KLHL14: variants seen among roughly 807,000 people sequenced by gnomAD.
The protein encoded by KLHL14 is kelch like family member 14, also known as kelch-like protein 14.
A neutral mutation model predicts 64.3 loss-of-function variants in KLHL14; 22 were observed. The observed-to-expected ratio is 0.34, with a 90% CI of 0.24 to 0.49. The LOEUF (loss-of-function observed/expected upper bound fraction) is 0.49, where lower values mean the gene tolerates loss of function less well. Among genes scored for constraint, KLHL14 ranks in the 20% least tolerant of loss-of-function variants. The pLI is 0.99. For missense variants in KLHL14, 661 were observed against 789.0 expected (o/e 0.84, Z 1.94); for synonymous variants, 322 against 333.4 (o/e 0.97, Z 0.37).
rs560902675 is a variant in KLHL14, at chr18:32,722,244, C to T, written c.1069+19684G>A. Reference sequence around the variant, plus strand: ...TCTCTATTAGCAGGGTGAGAACAGACTAATACATTTTCCTTCAGCATTTTA... The same window carrying T: ...TCTCTATTAGCAGGGTGAGAACAGATTAATACATTTTCCTTCAGCATTTTA... On this transcript the variant is annotated intron_variant, in intron 3 of 8. Transcript: ENST00000359358. 3.3e-4 allele frequency among the ~76,000 whole-genome samples: 51 copies of T among 152,298 alleles called. No individual in the cohort carries two copies. In the South Asian group the frequency reaches 4.8e-3, roughly 14 times the overall value.
intron 2 of KLHL14, chr18:32,744,977 G>T (rs745342520): frequency 1.3e-5 from 2 of 152,196 alleles, no homozygotes; most frequent in Non-Finnish European, 2.9e-5. Flanking sequence ...AGCAATGAAA[G>T]ATTCCACACA....
chr18:32,687,118 G>A (rs148850785), intron 5 of KLHL14, 37 bp downstream of exon 5: 263 of 1,550,170 alleles, frequency 1.7e-4, no homozygotes, highest in African/African-American at 1.6e-3. Flanking sequence ...CTGTAAAGCC[G>A]TCACAAACGT....
chr18:32,700,747 A>C (rs1246537884), intron 3 of KLHL14, among the ~76,000 whole-genome samples: 1 of 152,140 alleles, frequency 6.6e-6, no homozygotes, highest in Admixed American at 6.6e-5. Flanking sequence ...ACAAGTAAAT[A>C]AGCTCTTTTG....
intron 3 of KLHL14, among the ~76,000 whole-genome samples, chr18:32,710,604 T>G (rs2050014353): frequency 6.6e-6 from 1 of 152,208 alleles, no homozygotes; most frequent in African/African-American, 2.4e-5. Context: ...CAGAGAGGGA[T>G]AATTTATATA....
At chr18:32,762,625 A>G (rs1190317704) in intron 2 of KLHL14, among the ~76,000 whole-genome samples, 1 of 152,148 alleles carries the variant, frequency 6.6e-6, no homozygotes, top group African/African-American at 2.4e-5. Context: ...TGCTATTTAC[A>G]GTAAAATGAA....
chr18:32,712,884 G>A (rs1212322361), intron 3 of KLHL14, among the ~76,000 whole-genome samples: 4 of 152,026 alleles, frequency 2.6e-5, no homozygotes, highest in South Asian at 2.1e-4. Flanking sequence ...AGTAGATCAC[G>A]CCTTCAAATG....
Position 32,770,653 on chromosome 18 carries a change from G to T in KLHL14, c.-43-19C>A, listed in dbSNP as rs769463130. Reference sequence around the variant, plus strand: ...CTCCAACCTGGCAGACAGGGGTGGGGGATGGGAGGGAGGGGAGCAGGGTGG... The same window carrying T: ...CTCCAACCTGGCAGACAGGGGTGGGTGATGGGAGGGAGGGGAGCAGGGTGG... On this transcript the variant is annotated intron_variant, in intron 1 of 8. Coordinates refer to ENST00000359358, the MANE Select transcript of KLHL14 (RefSeq NM_020805.3). This position sits in a 1 kb window ranked among gnomAD's most constrained non-coding sequence, Gnocchi z 6.7. 2.6e-6 allele frequency: 3 copies of T among 1,165,924 alleles called. No individual in the cohort carries two copies. Among genetic ancestry groups the T allele is most frequent in the Admixed American group, 2.5e-5 (1 of 40,300 alleles). The allele number at this position is 1,165,924 out of a possible 1,614,324, so 72.2% of individuals were successfully genotyped here.
At chr18:32,710,742 A>G (rs951488713) in intron 3 of KLHL14, among the ~76,000 whole-genome samples, 1 of 152,142 alleles carries the variant, frequency 6.6e-6, no homozygotes. Flanking sequence ...CTACAGGTGG[A>G]TTTGTGTTGG....
intron 2 of KLHL14, among the ~76,000 whole-genome samples, chr18:32,761,153 A>T (rs2050311747): frequency 6.6e-6 from 1 of 152,216 alleles, no homozygotes; most frequent in African/African-American, 2.4e-5. Context: ...AACTATAATT[A>T]TTAACCCATT....
At chr18:32,696,164 C>G (rs2049935792) in intron 3 of KLHL14, among the ~76,000 whole-genome samples, 1 of 152,170 alleles carries the variant, frequency 6.6e-6, no homozygotes, top group African/African-American at 2.4e-5. Context: ...CGCACATTCT[C>G]TATCTATCTG....
chr18:32,692,646 A>G (rs2049913155), intron 4 of KLHL14, among the ~76,000 whole-genome samples: 1 of 152,222 alleles, frequency 6.6e-6, no homozygotes, highest in Admixed American at 6.5e-5. Context: ...ATTTCACAAG[A>G]TCAAAAGCAA....
intron 2 of KLHL14, among the ~76,000 whole-genome samples, chr18:32,755,530 CT>C (rs1328602339): frequency 6.6e-6 from 1 of 152,054 alleles, no homozygotes; most frequent in African/African-American, 2.4e-5. Context: ...AATGAAATTT[CT>C]TTTAATTTTG....
At chr18:32,735,703 G>A (rs1170320975) in intron 3 of KLHL14, among the ~76,000 whole-genome samples, 4 of 152,034 alleles carry the variant, frequency 2.6e-5, no homozygotes, top group Admixed American at 1.3e-4. Context: ...TTCTCTCAGA[G>A]CACTATCACA....
chr18:32,737,233 G>A (rs1321754106), intron 3 of KLHL14: 1 of 151,922 alleles, frequency 6.6e-6, no homozygotes, highest in East Asian at 1.9e-4. Context: ...TATGAATAAA[G>A]GAAACCCACA....
At position 32,680,067 on chromosome 18, in the gene KLHL14, T is replaced by C; in HGVS notation, c.1588+102A>G. 1 of 1,191,490 alleles carries C rather than the reference T, an allele frequency of 8.4e-7. No homozygotes were observed. Among genetic ancestry groups the C allele is most frequent in the Non-Finnish European group, 1.2e-6 (1 of 859,398 alleles). The allele number at this position is 1,191,490 out of a possible 1,614,324, so 73.8% of individuals were successfully genotyped here. ...TAGATTTTATTAGGTCAACATGTTT[T>C]TTACTTGGTTAACTATGATTATCTA... On this transcript the variant is annotated intron_variant, in intron 7 of 8. Transcript: ENST00000359358. The surrounding 1 kb of genome is among the most constrained non-coding windows in gnomAD (Gnocchi z 4.8).
At chr18:32,706,178 T>C (rs2049989295) in intron 3 of KLHL14, among the ~76,000 whole-genome samples, 1 of 152,208 alleles carries the variant, frequency 6.6e-6, no homozygotes, top group South Asian at 2.1e-4. Flanking sequence ...TGCATGTGTA[T>C]GCGTGATGTC....
In KLHL14 at chr18:32,680,672, C is replaced by A; in HGVS notation, c.1239-73G>T. 2 of 1,424,004 alleles carry A rather than the reference C, an allele frequency of 1.4e-6. No individual in the cohort carries two copies. Among genetic ancestry groups the A allele is most frequent in the South Asian group, 1.3e-5 (1 of 78,148 alleles). 88.2% of individuals were successfully genotyped at this position (1,424,004 alleles called of 1,614,324 possible). A position where few individuals can be genotyped will look rare whatever the true frequency, so the allele number is the denominator to read the frequency against. ...GTTACCTTTCGAAATAAGATAAGCA[C>A]CACACAGCTAGTCAGGGAAAGGGGT... On this transcript the variant is annotated intron_variant, in intron 5 of 8. Coordinates refer to ENST00000359358, the MANE Select transcript of KLHL14 (RefSeq NM_020805.3). This position sits in a 1 kb window ranked among gnomAD's most constrained non-coding sequence, Gnocchi z 4.8.
At chr18:32,749,162 AT>A (rs1688194406) in intron 2 of KLHL14, among the ~76,000 whole-genome samples, 1 of 152,160 alleles carries the variant, frequency 6.6e-6, no homozygotes, top group Admixed American at 6.5e-5. Flanking sequence ...AATCATTGGG[AT>A]TTTTACTTTC....
intron 4 of KLHL14, among the ~76,000 whole-genome samples, chr18:32,687,828 A>T (rs956554534): frequency 9.9e-5 from 15 of 152,172 alleles, no homozygotes; most frequent in Non-Finnish European, 1.8e-4. Context: ...TATTGGTGGG[A>T]GAGTCTGCTC....
Sources: gnomAD v4.1 joint callset for allele counts (sites outside exome capture counted in the v4.1 genomes callset) on GRCh38, gnomAD v4.1.1 for gene constraint, Gnocchi (gnomAD v3.1) non-coding constraint, MANE v1.5 for transcripts, NCBI Gene and HGNC (gene_info 2026-07-23, HGNC 2026-07-21) for gene names.